Variants in TRAPPC9 observed in about 807,000 individuals in gnomAD.
TRAPPC9 encodes the protein trafficking protein particle complex subunit 9.
A neutral mutation model predicts 124.0 loss-of-function variants in TRAPPC9; 83 were observed. The observed-to-expected ratio is 0.67, with a 90% confidence interval of 0.56 to 0.80. TRAPPC9 has a LOEUF of 0.80. TRAPPC9 is among the 30% of genes least tolerant of loss of function. The pLI is 0.00. For synonymous variants in TRAPPC9, 638 were observed against 617.5 expected, an observed-to-expected ratio of 1.03 and a Z score of -0.49; for missense variants, 1,302 against 1,508.3, an observed-to-expected ratio of 0.86 and a Z score of 2.27.
chr8:140,413,960 G>T (rs1007485276), intron 5 of TRAPPC9, among the ~76,000 whole-genome samples: 5 of 151,658 alleles, frequency 3.3e-5, no homozygotes, highest in Admixed American at 1.3e-4. Context: ...GAATAGTGCC[G>T]CAATAAACAT....
intron 21 of TRAPPC9, among the ~76,000 whole-genome samples, chr8:139,743,600 A>C (rs1818699564): frequency 6.6e-6 from 1 of 152,240 alleles, no homozygotes; most frequent in Admixed American, 6.5e-5. Context: ...GTTTGGCTTC[A>C]GAATTAATCA....
chr8:139,939,062 T>C (rs937186945), intron 19 of TRAPPC9, among the ~76,000 whole-genome samples: 1 of 152,174 alleles, frequency 6.6e-6, no homozygotes, highest in Non-Finnish European at 1.5e-5. Flanking sequence ...GAATGCCCAC[T>C]GTTCTCCAGG....
chr8:140,365,679 T>C (rs1349838242), intron 8 of TRAPPC9, among the ~76,000 whole-genome samples: 1 of 152,236 alleles, frequency 6.6e-6, no homozygotes, highest in East Asian at 1.9e-4. Context: ...CTGCTCCAGG[T>C]ATGTCACCTA....
intron 6 of TRAPPC9, chr8:140,405,367 C>G (rs976266312): frequency 2.0e-6 from 1 of 503,684 alleles, no homozygotes; most frequent in Non-Finnish European, 3.4e-6. Flanking sequence ...TTTTTTCTCT[C>G]TTTTCCAAAT....
intron 21 of TRAPPC9, among the ~76,000 whole-genome samples, chr8:139,768,293 C>T (rs1177819675): frequency 2.0e-5 from 3 of 152,222 alleles, no homozygotes; most frequent in African/African-American, 7.2e-5. Context: ...GATCTGGTGC[C>T]TCCCAGGTGC....
chr8:140,246,964 G>A (rs530197638), intron 16 of TRAPPC9, among the ~76,000 whole-genome samples: 213 of 151,926 alleles, frequency 1.4e-3, no homozygotes, highest in African/African-American at 4.1e-3. Flanking sequence ...TAGCCCGGGC[G>A]ATAGAGCCAG....
chr8:139,836,411 C>T (rs1195339684), intron 21 of TRAPPC9, among the ~76,000 whole-genome samples: 1 of 151,996 alleles, frequency 6.6e-6, no homozygotes, highest in Non-Finnish European at 1.5e-5. Context: ...GTGTGTGTTT[C>T]CTGCAATTCT....
chr8:140,418,498 A>C (rs180810566), intron 5 of TRAPPC9, among the ~76,000 whole-genome samples: 60 of 152,276 alleles, frequency 3.9e-4, no homozygotes, highest in Admixed American at 1.8e-3. Flanking sequence ...AGGCAGGTGG[A>C]CTGACTGAGG....
At chr8:139,832,581 C>T (rs938015251) in intron 21 of TRAPPC9, among the ~76,000 whole-genome samples, 2 of 152,192 alleles carry the variant, frequency 1.3e-5, no homozygotes, top group Admixed American at 6.5e-5. Flanking sequence ...TTGAACTCAG[C>T]GAGCTCTTTG....
intron 21 of TRAPPC9, among the ~76,000 whole-genome samples, chr8:139,751,083 C>G (rs560796554): frequency 4.6e-5 from 7 of 152,314 alleles, no homozygotes; most frequent in African/African-American, 1.4e-4. Flanking sequence ...TAGGGAATGG[C>G]TGGCTGGCCA....
intron 21 of TRAPPC9, among the ~76,000 whole-genome samples, chr8:139,766,504 G>A (rs1820593789): frequency 6.6e-6 from 1 of 152,226 alleles, no homozygotes; most frequent in African/African-American, 2.4e-5. Flanking sequence ...AATGCAAGTT[G>A]TGGCTCTGTC....
intron 9 of TRAPPC9, among the ~76,000 whole-genome samples, chr8:140,352,018 C>T (rs1013297190): frequency 2.4e-4 from 37 of 152,126 alleles, no homozygotes; most frequent in African/African-American, 7.2e-4. Context: ...TTAGCCATCG[C>T]CCCCACAAAG....
chr8:140,229,251 C>CTTTTTT lies in TRAPPC9; in HGVS notation c.2432-7674_2432-7669dup, dbSNP rs528175891. On this transcript the variant is annotated intron_variant, in intron 16 of 22. Coordinates refer to ENST00000438773, the MANE Select transcript of TRAPPC9 (RefSeq NM_001160372.4). ...AGTCAATTCCGTATGTTTTCTTTTTCTTTTTTTTTTTTTTTTTTTTTTTTT... is the reference window on the plus strand; with the variant it reads ...AGTCAATTCCGTATGTTTTCTTTTTCTTTTTTTTTTTTTTTTTTTTTTTTTTTTTTT... Among the ~76,000 whole-genome samples, 787 of 99,688 alleles carry CTTTTTT rather than the reference C, an allele frequency of 7.9e-3. 17 individuals are homozygous for CTTTTTT. Among genetic ancestry groups the CTTTTTT allele is most frequent in the African/African-American group, 0.018 (384 of 21,718 alleles). 65.4% of individuals were successfully genotyped at this position (99,688 alleles called of 152,430 possible).
chr8:140,023,957 G>A lies in TRAPPC9; in HGVS notation c.2679C>T (p.Val893=), dbSNP rs1839967923. The A allele has an allele frequency of 6.2e-7, 1 of 1,613,908 alleles. No homozygotes were observed. The highest frequency in any genetic ancestry group is 8.5e-7 in the Non-Finnish European group (1 of 1,179,964). The change falls in exon 18 of 23, where the codon GTC becomes GTT. Residue 893 remains valine, a synonymous_variant. Transcript: ENST00000438773. ...EVEPSVFFTR[V]STLPATSTRQ... is the part of the protein sequence containing the mutation. ...TTTACCTGGTTGCTGGGAGGGTGCT[G>A]ACTCGGGTGAAAAATACAGACGGCT...
chr8:139,790,821 G>C (rs996813107), intron 21 of TRAPPC9, among the ~76,000 whole-genome samples: 3 of 152,146 alleles, frequency 2.0e-5, no homozygotes, highest in Non-Finnish European at 2.9e-5. Context: ...AAGGTGACTC[G>C]ATGTAGGGGT....
At chr8:140,074,924 T>C (rs1843414759) in intron 17 of TRAPPC9, among the ~76,000 whole-genome samples, 1 of 152,182 alleles carries the variant, frequency 6.6e-6, no homozygotes, top group Non-Finnish European at 1.5e-5. Context: ...TGCTGATCCC[T>C]GTAAGCACCT....
At chr8:140,074,543 A>C (rs1382665192) in intron 17 of TRAPPC9, among the ~76,000 whole-genome samples, 1 of 152,154 alleles carries the variant, frequency 6.6e-6, no homozygotes, top group African/African-American at 2.4e-5. Flanking sequence ...GGAAGGATAC[A>C]TGGGGTTCTT....
intron 9 of TRAPPC9, among the ~76,000 whole-genome samples, chr8:140,351,186 C>T (rs2067560110): frequency 6.6e-6 from 1 of 151,280 alleles, no homozygotes; most frequent in Non-Finnish European, 1.5e-5. Flanking sequence ...GACACAGGCC[C>T]ACGCTAGTCG....
intron 7 of TRAPPC9, among the ~76,000 whole-genome samples, chr8:140,392,583 C>T (rs768205575): frequency 1.3e-5 from 2 of 152,218 alleles, no homozygotes; most frequent in South Asian, 2.1e-4. Flanking sequence ...GCCCGCTGAA[C>T]GCTCAAGGCT....
Sources: allele counts gnomAD v4.1 joint callset (sites outside exome capture counted in the v4.1 genomes callset), GRCh38; gene constraint gnomAD v4.1.1; transcripts MANE v1.5; gene names NCBI Gene and HGNC (gene_info 2026-07-23, HGNC 2026-07-21).